AGT: variants seen among roughly 807,000 people sequenced by gnomAD.
The protein encoded by AGT is alpha-1 antiproteinase, antitrypsin.
AGT carries 26 observed loss-of-function variants against 28.1 expected under a neutral mutation model. The ratio of observed to expected loss-of-function variants is 0.92; its 90% CI spans 0.68 to 1.28. The LOEUF (loss-of-function observed/expected upper bound fraction) is 1.28, where lower values mean the gene tolerates loss of function less well. AGT is among the 50% of genes most tolerant of loss of function. The pLI, the probability that AGT is intolerant of heterozygous loss-of-function variation, is 0.00. For synonymous variants in AGT, 259 were observed against 259.6 expected, an observed-to-expected ratio of 1.00 and a Z score of 0.02; for missense variants, 596 against 592.3, an observed-to-expected ratio of 1.01 and a Z score of -0.06.
chr1:230,708,384 C>T (rs1334749671), intron 2 of AGT, among the ~76,000 whole-genome samples: 2 of 152,190 alleles, frequency 1.3e-5, no homozygotes, highest in Admixed American at 1.3e-4. Flanking sequence ...AGCACTTCTC[C>T]TAGGGACAGC....
intron 2 of AGT, among the ~76,000 whole-genome samples, chr1:230,709,586 A>C (rs936687347): frequency 1.3e-5 from 2 of 151,894 alleles, no homozygotes; most frequent in Non-Finnish European, 2.9e-5. Flanking sequence ...TATGAACCTG[A>C]CCCTTCTGAG....
chr1:230,719,417 T>TGTTTGTTTTTG (rs1558291328), upstream of AGT, among the ~76,000 whole-genome samples: 1 of 104,402 alleles, frequency 9.6e-6, no homozygotes, highest in South Asian at 3.4e-4. Flanking sequence ...TTTTTTTTTT[T>TGTTTGTTTTTG]TTTTTTTTGA....
chr1:230,716,737 A>G (rs1408787266), upstream of AGT, among the ~76,000 whole-genome samples: 1 of 152,130 alleles, frequency 6.6e-6, no homozygotes, highest in African/African-American at 2.4e-5. Flanking sequence ...GCCACGTGGA[A>G]CACATAAGTC....
Position 230,729,195 on chromosome 1 carries a change from A to T in AGT, c.-31+16320T>A, listed in dbSNP as rs995066342. On this transcript the variant is annotated intron_variant, in intron 1 of 4. Transcript: ENST00000681269. ...CCATGCCCTTTGACCCCCACCTTCC[A>T]CTCTCTCTCTGGACTTTCATCCGCA... is the stretch of plus-strand genomic sequence containing the variant. 2.0e-5 allele frequency among the ~76,000 whole-genome samples: 3 copies of T among 151,188 alleles called. No individual in the cohort carries two copies. In the East Asian group the frequency reaches 5.8e-4, roughly 29 times the overall value.
intron 1 of AGT, among the ~76,000 whole-genome samples, chr1:230,733,804 A>G (rs4846869): frequency 0.32 from 49,323 of 151,862 alleles, 9,505 homozygotes; most frequent in East Asian, 0.67. Flanking sequence ...ACCGCTGTGA[A>G]GACTGGAGTA....
chr1:230,713,009 C>A (rs1663640556), intron 1 of AGT, among the ~76,000 whole-genome samples: 1 of 152,182 alleles, frequency 6.6e-6, no homozygotes, highest in Non-Finnish European at 1.5e-5. Flanking sequence ...CTCATATCAA[C>A]CCCTCTGACC....
chr1:230,706,986 G>A (rs1220719718), intron 2 of AGT, among the ~76,000 whole-genome samples: 1 of 152,174 alleles, frequency 6.6e-6, no homozygotes, highest in Admixed American at 6.5e-5. Flanking sequence ...ATACAGAGTG[G>A]GCCACGCAGG....
chr1:230,709,395 C>T (rs1010245265), intron 2 of AGT, among the ~76,000 whole-genome samples: 2 of 150,492 alleles, frequency 1.3e-5, no homozygotes, highest in Non-Finnish European at 2.9e-5. Context: ...GATGGCACCA[C>T]TACACTGCAG....
At chr1:230,721,265 G>T (rs764927333) in intron 1 of AGT, among the ~76,000 whole-genome samples, 7 of 152,196 alleles carry the variant, frequency 4.6e-5, no homozygotes, top group Non-Finnish European at 1.0e-4. Flanking sequence ...AAATGTTGAT[G>T]TAATGTCTGG....
chr1:230,722,452 C>T (rs1316838265), intron 1 of AGT, among the ~76,000 whole-genome samples: 11 of 152,232 alleles, frequency 7.2e-5, no homozygotes. Flanking sequence ...ATCCTCCAGA[C>T]CCCAGAATGG....
rs779317069 is a variant in AGT at position 230,703,193 on chromosome 1, G to T, written c.1379C>A (p.Ala460Asp). 31 of 1,614,060 alleles carry T rather than the reference G, an allele frequency of 1.9e-5. No homozygotes were observed. Among genetic ancestry groups the T allele is most frequent in the Non-Finnish European group, 2.5e-5 (29 of 1,180,054 alleles). The change falls in exon 5 of 5, where the codon GCC becomes GAC. Residue 460 changes from alanine (A) to aspartate (D), a missense_variant. Ala to Asp is a moderately radical substitution (Grantham distance 126). Transcript: ENST00000366667. ...PFLFAVYDQS[A>D]TALHFLGRVA... ...GCGGCCCAGGAAGTGCAGGGCAGTG[G>T]CGCTTTGATCATACACAGCAAACAG...
rs1203744511 is a variant in AGT, at chr1:230,706,123, T to G, written c.907A>C (p.Met303Leu). 6.2e-7 allele frequency: 1 copy of G among 1,613,794 alleles called. No homozygotes were observed. The highest frequency in any genetic ancestry group is 8.5e-7 in the Non-Finnish European group (1 of 1,179,974). Residue 303 changes from methionine (M) to leucine (L), a missense_variant, in exon 3 of 5, where the codon ATG becomes CTG. Transcript: ENST00000366667. ...TGGAAGGTGCCCATGCCAGAGAGCA[T>G]GGGAACAGACACTGAGGTGCTGTTG... ...VDNSTSVSVP[M>L]LSGMGTFQHW...
chr1:230,711,783 G>T (rs1663598511), intron 1 of AGT, among the ~76,000 whole-genome samples: 2 of 149,482 alleles, frequency 1.3e-5, no homozygotes, highest in Non-Finnish European at 3.0e-5. Flanking sequence ...CCCAATGATA[G>T]TTGGATTCCT....
At chr1:230,705,861 TCCCCACCCCGC>T in intron 3 of AGT, 61 bp downstream of exon 3, 1 of 1,587,188 alleles carries the variant, frequency 6.3e-7, no homozygotes, top group Non-Finnish European at 8.6e-7. Context: ...GTGTGTCTAC[TCCCCACCCCGC>T]CCCCAGCCTG....
chr1:230,703,375 G>T, intron 4 of AGT, 46 bp from the exon 5 acceptor site: 2 of 1,609,388 alleles, frequency 1.2e-6, no homozygotes, highest in South Asian at 2.2e-5. Context: ...CGCACTGGGT[G>T]ACCCAGGGTG....
chr1:230,703,189 A>T lies in AGT; in HGVS notation c.1383T>A (p.Thr461=). Residue 461 remains threonine, a synonymous_variant, in exon 5 of 5, where the codon ACT becomes ACA. Coordinates refer to ENST00000366667, the MANE Select transcript of AGT (RefSeq NM_001384479.1). ...CCACGCGGCCCAGGAAGTGCAGGGC[A>T]GTGGCGCTTTGATCATACACAGCAA... The part of the protein sequence containing the change: ...FLFAVYDQSA[T]ALHFLGRVAN... 6.2e-7 allele frequency: 1 copy of T among 1,614,214 alleles called. No individual in the cohort carries two copies. The highest frequency in any genetic ancestry group is 1.3e-5 in the African/African-American group (1 of 75,082).
chr1:230,740,841 T>C (rs914241299), intron 1 of AGT, among the ~76,000 whole-genome samples: 2 of 152,126 alleles, frequency 1.3e-5, no homozygotes, highest in Non-Finnish European at 2.9e-5. Context: ...CCTAGCTACT[T>C]GGGAGGCTGA....
At chr1:230,711,286 GGAAGACCATGTGGGGACACAGAGA>G (rs1382963239) in intron 1 of AGT, among the ~76,000 whole-genome samples, 8 of 152,152 alleles carry the variant, frequency 5.3e-5, no homozygotes, top group African/African-American at 1.7e-4. Context: ...GGACACAGAG[GGAAGACCATGTGGGGACACAGAGA>G]GAAGACGGCC....
chr1:230,704,125 A>G, intron 4 of AGT, 68 bp downstream of exon 4: 1 of 1,611,366 alleles, frequency 6.2e-7, no homozygotes, highest in Non-Finnish European at 8.5e-7. Flanking sequence ...TGTGTCCCTT[A>G]CATCCATGCC....
Sources: gnomAD v4.1 joint callset for allele counts (sites outside exome capture counted in the v4.1 genomes callset) on GRCh38, gnomAD v4.1.1 for gene constraint, MANE v1.5 for transcripts, NCBI Gene and HGNC (gene_info 2026-07-23, HGNC 2026-07-21) for gene names.